DHPS: variants seen among roughly 807,000 people sequenced by gnomAD.
The protein encoded by DHPS is migration-inducing gene 13.
DHPS carries 24 observed loss-of-function variants against 38.7 expected under a neutral mutation model. That is an observed-to-expected ratio of 0.62 (90% CI 0.45 to 0.87). DHPS has a LOEUF of 0.87. Ranked by LOEUF, DHPS falls within the 40% of genes least tolerant of loss-of-function variation. The probability of loss-of-function intolerance (pLI) is 0.00; values close to 1 mark genes in which losing one functional copy is unlikely to be tolerated. For missense variants in DHPS, 510 were observed against 497.6 expected, an observed-to-expected ratio of 1.02 and a Z score of -0.24; for synonymous variants, 250 against 204.4, an observed-to-expected ratio of 1.22 and a Z score of -1.90.
chr19:12,677,076 G>A (rs1449444574), intron 7 of DHPS, 32 bp downstream of exon 7: 3 of 1,598,884 alleles, frequency 1.9e-6, no homozygotes, highest in East Asian at 2.2e-5. Flanking sequence ...CAGCATGTCT[G>A]CAGAGTGGGC....
chr19:12,680,388 T>TA (rs1311710873), intron 1 of DHPS, 63 bp from the exon 2 acceptor site: 3 of 1,589,212 alleles, frequency 1.9e-6, no homozygotes, highest in Non-Finnish European at 2.6e-6. Context: ...GGACTCCAGG[T>TA]GGGCTCCAGA....
At chr19:12,676,481 T>A (rs73499498) in intron 7 of DHPS, 3 of 261,026 alleles carry the variant, frequency 1.1e-5, no homozygotes, top group African/African-American at 2.2e-5. Flanking sequence ...TGGACTGGAG[T>A]TCTCACTCAC....
Position 12,681,578 on chromosome 19 carries a change from T to C in DHPS, c.189A>G (p.Val63=), listed in dbSNP as rs2145374519. ...TCCTCACCATGGCATTGACTTGCTG[T>C]ACAGCGCGCCCGAAGTTGGTTGCTT... ...GFQATNFGRA[V]QQVNAMIEKK... Residue 63 remains valine, a synonymous_variant, in exon 1 of 9, where the codon GTA becomes GTG. Coordinates refer to ENST00000210060, the MANE Select transcript of DHPS (RefSeq NM_001930.4). 6.2e-7 allele frequency: 1 copy of C among 1,614,268 alleles called. No homozygotes were observed. Among genetic ancestry groups the C allele is most frequent in the East Asian group, 2.2e-5 (1 of 44,890 alleles).
At position 12,676,137 on chromosome 19, in the gene DHPS, G is replaced by T; in HGVS notation, c.894C>A (p.Asn298Lys). 1 of 1,609,378 alleles carries T rather than the reference G, an allele frequency of 6.2e-7. No homozygotes were observed. ...HHIANANLMR[N>K]GADYAVYINT... ...TGATGTAAACAGCGTAGTCGGCCCC[G>T]TTCCGCTGTGGGGAGGCGGGGGCAC... Residue 298 changes from asparagine to lysine, a missense_variant, in exon 8 of 9, where the codon AAC (asparagine) becomes AAA (lysine). Transcript: ENST00000210060.
At chr19:12,675,292 G>A (rs2145334261), downstream of DHPS, among the ~76,000 whole-genome samples, 1 of 152,252 alleles carries the variant, frequency 6.6e-6, no homozygotes, top group South Asian at 2.1e-4. Flanking sequence ...ATCAATAAGA[G>A]GCTCCCAAGA....
At chr19:12,679,027 G>A (rs2024709972) in intron 5 of DHPS, among the ~76,000 whole-genome samples, 2 of 151,896 alleles carry the variant, frequency 1.3e-5, no homozygotes, top group African/African-American at 4.8e-5. Flanking sequence ...TGGGCACAGT[G>A]GCTCACGCCT....
chr19:12,681,239 C>G, intron 1 of DHPS: 1 of 1,264,784 alleles, frequency 7.9e-7, no homozygotes, highest in African/African-American at 1.5e-5. Flanking sequence ...TAGGCTCCTC[C>G]TCCCATATCC....
At chr19:12,679,419 C>G (rs758816864) in intron 5 of DHPS, 38 bp downstream of exon 5, 1 of 1,584,878 alleles carries the variant, frequency 6.3e-7, no homozygotes, top group South Asian at 1.1e-5. Flanking sequence ...TTAACACATG[C>G]CAAAGTCTGG....
At chr19:12,681,219 C>G in intron 1 of DHPS, 1 of 1,238,450 alleles carries the variant, frequency 8.1e-7, no homozygotes, top group South Asian at 1.5e-5. Context: ...ATTCAAGAAC[C>G]GCCCAGACTT....
chr19:12,676,260 A>G (rs2145341747), intron 7 of DHPS, 118 bp from the exon 8 acceptor site: 1 of 1,297,850 alleles, frequency 7.7e-7, no homozygotes, highest in Non-Finnish European at 1.0e-6. Flanking sequence ...GAAGCCCTTC[A>G]CAGACATTCG....
At position 12,679,716 on chromosome 19, in the gene DHPS, G is replaced by A. The variant is rs780863009; in HGVS notation, c.498C>T (p.Ile166=). The A allele has an allele frequency of 8.2e-5, 133 of 1,614,110 alleles. No individual in the cohort carries two copies. The highest frequency in any genetic ancestry group is 4.7e-4 in the East Asian group (21 of 44,878). Residue 166 remains isoleucine (I), a synonymous_variant, in exon 4 of 9, where the codon ATC becomes ATT. Coordinates refer to ENST00000210060, the MANE Select transcript of DHPS (RefSeq NM_001930.4). ...TCTCATTGGGCACCAGCAGGTTTCC[G>A]ATCCTGAGAACAGGAGGCATGTAGG... ...KELRENGINR[I]GNLLVPNENY...
At chr19:12,675,658 G>A (rs764933457), downstream of DHPS, 4 of 1,601,054 alleles carry the variant, frequency 2.5e-6, no homozygotes, top group South Asian at 2.2e-5. Context: ...TGAGGCAGAG[G>A]ATGGAGCAGG....
At chr19:12,677,068 G>T in intron 7 of DHPS, 40 bp downstream of exon 7, 1 of 1,584,646 alleles carries the variant, frequency 6.3e-7, no homozygotes, top group Non-Finnish European at 8.7e-7. Flanking sequence ...CCACCACACA[G>T]CATGTCTGCA....
downstream of DHPS, among the ~76,000 whole-genome samples, chr19:12,674,825 A>G (rs1350683772): frequency 1.3e-5 from 2 of 152,142 alleles, no homozygotes; most frequent in East Asian, 3.8e-4. Flanking sequence ...GTACAAGAAA[A>G]AGACTCCCGG....
chr19:12,681,858 C>G lies in DHPS; in HGVS notation c.-92G>C. On this transcript the variant is annotated 5_prime_UTR_variant, in exon 1 of 9. Coordinates refer to ENST00000210060, the MANE Select transcript of DHPS (RefSeq NM_001930.4). ...TTAAACCCCGACGCGCGCGTCTCCG[C>G]AAGAGCACAGGAAGTAGGGAACGTG... 2 of 1,152,502 alleles carry G rather than the reference C, an allele frequency of 1.7e-6. No homozygotes were observed. Among genetic ancestry groups the G allele is most frequent in the Non-Finnish European group, 2.5e-6 (2 of 803,670 alleles). The allele number at this position is 1,152,502 out of a possible 1,614,324, so 71.4% of individuals were successfully genotyped here. A position where few individuals can be genotyped will look rare whatever the true frequency, so the allele number is the denominator to read the frequency against.
intron 7 of DHPS, chr19:12,676,718 G>C: frequency 1.1e-5 from 3 of 280,912 alleles, no homozygotes; most frequent in South Asian, 3.7e-5. Context: ...CAGAGCCTTT[G>C]CAATGGCTGT....
chr19:12,678,969 G>A (rs942109555), intron 5 of DHPS, among the ~76,000 whole-genome samples: 2 of 151,484 alleles, frequency 1.3e-5, no homozygotes, highest in African/African-American at 4.9e-5. Context: ...GGATGCTGAG[G>A]CCCCACTAGT....
Position 12,681,824 on chromosome 19 carries a change from A to G in DHPS, c.-58T>C. On this transcript the variant is annotated 5_prime_UTR_variant, in exon 1 of 9. Transcript: ENST00000210060. ...CCCTAGGCCGGGCTTACGGCGGCCC[A>G]GAAACGCGTTAAACCCCGACGCGCG... 6.6e-7 allele frequency: 1 copy of G among 1,514,402 alleles called. No individual in the cohort carries two copies. The highest frequency in any genetic ancestry group is 2.3e-5 in the East Asian group (1 of 43,714). 93.8% of individuals were successfully genotyped at this position (1,514,402 alleles called of 1,614,324 possible).
downstream of DHPS, chr19:12,673,127 G>A (rs370493147): frequency 1.2e-6 from 2 of 1,612,282 alleles, no homozygotes; most frequent in African/African-American, 2.7e-5. Context: ...GTGAGTCCTT[G>A]TGGTCGTGGG....
Sources: gnomAD v4.1 joint callset for allele counts (sites outside exome capture counted in the v4.1 genomes callset) on GRCh38, gnomAD v4.1.1 for gene constraint, MANE v1.5 for transcripts, NCBI Gene and HGNC (gene_info 2026-07-23, HGNC 2026-07-21) for gene names.